Variants in SMIM20 observed in about 807,000 individuals in gnomAD.
The protein encoded by SMIM20 is mitochondrial translation regulation assembly intermediate of cytochrome c oxidase protein of 7 kDa.
Under a neutral mutation model 8.7 loss-of-function variants are expected in SMIM20, and 3 were observed. The observed-to-expected ratio is 0.34, with a 90% CI of 0.16 to 0.89. SMIM20 has a LOEUF of 0.89. SMIM20 is among the 40% of genes least tolerant of loss of function. The probability of loss-of-function intolerance (pLI) is 0.49; values close to 1 mark genes in which losing one functional copy is unlikely to be tolerated. For missense variants in SMIM20, 85 were observed against 84.8 expected, an observed-to-expected ratio of 1.00 and a Z score of -0.01; for synonymous variants, 44 against 33.6, an observed-to-expected ratio of 1.31 and a Z score of -1.07.
intron 1 of SMIM20, among the ~76,000 whole-genome samples, chr4:25,918,553 G>A (rs1369568418): frequency 6.6e-6 from 1 of 151,398 alleles, no homozygotes; most frequent in Non-Finnish European, 1.5e-5. Flanking sequence ...GCCTAGGCTG[G>A]AGGCTGGAGT....
chr4:25,921,713 G>A (rs1382971403), intron 1 of SMIM20, among the ~76,000 whole-genome samples: 3 of 152,218 alleles, frequency 2.0e-5, no homozygotes, highest in African/African-American at 7.2e-5. Context: ...ACTGCAGTAG[G>A]TAAGGGTTCC....
At chr4:25,927,677 CCA>C (rs905265509) in intron 1 of SMIM20, among the ~76,000 whole-genome samples, 30 of 152,298 alleles carry the variant, frequency 2.0e-4, no homozygotes, top group African/African-American at 7.2e-4. Flanking sequence ...TGCTTCAAGC[CCA>C]CAGATATGAA....
At chr4:25,915,854 TG>T (rs1267183562) in intron 1 of SMIM20, among the ~76,000 whole-genome samples, 9 of 18,968 alleles carry the variant, frequency 4.7e-4, no homozygotes, top group African/African-American at 1.2e-3. Flanking sequence ...CAACTTGGGA[TG>T]GGGCGGGGGG....
At chr4:25,924,017 C>G (rs1448042449) in intron 1 of SMIM20, among the ~76,000 whole-genome samples, 1 of 152,110 alleles carries the variant, frequency 6.6e-6, no homozygotes, top group Non-Finnish European at 1.5e-5. Context: ...ATGGCTTCCC[C>G]TCCGTCCCTG....
intron 1 of SMIM20, among the ~76,000 whole-genome samples, chr4:25,922,177 C>T (rs1188857456): frequency 6.6e-6 from 1 of 152,082 alleles, no homozygotes; most frequent in Admixed American, 6.5e-5. Context: ...TCCAGCAGGT[C>T]ACAGGGTCTG....
At chr4:25,916,540 A>C (rs1005752937) in intron 1 of SMIM20, among the ~76,000 whole-genome samples, 3 of 144,732 alleles carry the variant, frequency 2.1e-5, no homozygotes, top group African/African-American at 5.2e-5. Context: ...AATTTGGCCA[A>C]CTCTTTTCTG....
At position 25,929,214 on chromosome 4, in the gene SMIM20, T is replaced by A. The variant is rs1353655129; in HGVS notation, c.*23T>A. The A allele has an allele frequency of 1.9e-6, 3 of 1,551,548 alleles. No individual in the cohort carries two copies. Among genetic ancestry groups the A allele is most frequent in the East Asian group, 2.4e-5 (1 of 40,920 alleles). The stretch of plus-strand genomic sequence containing the variant: ...TGAGAGGGCTGTCATCAGCTCTGAT[T>A]AAGAAAGGAGATTTCTTCATGCTTT... On this transcript the variant is annotated 3_prime_UTR_variant, in exon 3 of 3. Coordinates refer to ENST00000506197, the MANE Select transcript of SMIM20 (RefSeq NM_001145432.3).
At chr4:25,929,083 T>G in intron 2 of SMIM20, 71 bp from the exon 3 acceptor site, 3 of 1,520,552 alleles carry the variant, frequency 2.0e-6, no homozygotes, top group Non-Finnish European at 2.7e-6. Context: ...TCATTTTGTT[T>G]GTTTGGGGTG....
chr4:25,928,760 G>A (rs1318106371), intron 2 of SMIM20, among the ~76,000 whole-genome samples: 4 of 152,218 alleles, frequency 2.6e-5, no homozygotes, highest in Non-Finnish European at 4.4e-5. Context: ...GTGGGGTTCT[G>A]CTTTGCACAA....
intron 1 of SMIM20, among the ~76,000 whole-genome samples, chr4:25,919,462 T>C (rs6841648): frequency 0.4 from 60,685 of 151,164 alleles, 12,601 homozygotes; most frequent in East Asian, 0.63. Flanking sequence ...CCTCAGCCTC[T>C]CAAGTAGCTG....
intron 1 of SMIM20, among the ~76,000 whole-genome samples, chr4:25,915,175 C>T (rs765143813): frequency 2.6e-5 from 4 of 152,142 alleles, no homozygotes; most frequent in Non-Finnish European, 4.4e-5. Flanking sequence ...AAGCCGATTG[C>T]TCACATGGTA....
At chr4:25,921,294 G>A (rs901652703) in intron 1 of SMIM20, among the ~76,000 whole-genome samples, 8 of 152,144 alleles carry the variant, frequency 5.3e-5, no homozygotes, top group African/African-American at 1.9e-4. Context: ...AGCACTTTGG[G>A]AAGCTGACGC....
intron 1 of SMIM20, among the ~76,000 whole-genome samples, chr4:25,916,507 T>C (rs1009912002): frequency 6.6e-6 from 1 of 152,074 alleles, no homozygotes; most frequent in African/African-American, 2.4e-5. Flanking sequence ...CCACCACGCC[T>C]GGCCTCTGGT....
At chr4:25,927,473 A>G (rs978485085) in intron 1 of SMIM20, among the ~76,000 whole-genome samples, 3 of 152,258 alleles carry the variant, frequency 2.0e-5, no homozygotes, top group African/African-American at 7.2e-5. Flanking sequence ...GGATTTAAAG[A>G]AACACTGTCA....
At chr4:25,918,609 C>G (rs1023210865) in intron 1 of SMIM20, among the ~76,000 whole-genome samples, 1 of 151,912 alleles carries the variant, frequency 6.6e-6, no homozygotes, top group African/African-American at 2.4e-5. Context: ...TTCCCAGGTT[C>G]TAGTAATTCT....
intron 1 of SMIM20, among the ~76,000 whole-genome samples, chr4:25,924,462 ACT>A (rs1267416735): frequency 2.0e-5 from 3 of 152,112 alleles, no homozygotes; most frequent in Non-Finnish European, 2.9e-5. Flanking sequence ...ACAGAGCAAG[ACT>A]CTTTCTCAAA....
Position 25,929,469 on chromosome 4 carries a change from G to C in SMIM20, c.*278G>C, listed in dbSNP as rs1385568960. 2 of 388,826 alleles carry C rather than the reference G, an allele frequency of 5.1e-6. No individual in the cohort carries two copies. Among genetic ancestry groups the C allele is most frequent in the Non-Finnish European group, 9.2e-6 (2 of 216,668 alleles). 24.1% of individuals were successfully genotyped at this position (388,826 alleles called of 1,614,324 possible). ...GCTATCTCACCCAGCTGGGTTTGGA[G>C]GAGCAATCTGCTTATTATTCTGTCG... On this transcript the variant is annotated 3_prime_UTR_variant, in exon 3 of 3. Transcript: ENST00000506197.
chr4:25,915,869 G>GGCCC, intron 1 of SMIM20, among the ~76,000 whole-genome samples: 1 of 103,260 alleles, frequency 9.7e-6, no homozygotes, highest in African/African-American at 3.5e-5. Flanking sequence ...CGGGGGGGGG[G>GGCCC]TCGAGTGTTG....
At chr4:25,923,852 G>A (rs956587445) in intron 1 of SMIM20, among the ~76,000 whole-genome samples, 1 of 152,174 alleles carries the variant, frequency 6.6e-6, no homozygotes, top group African/African-American at 2.4e-5. Context: ...AGGCAGACTG[G>A]GTCTTGTTTT....
Sources: gnomAD v4.1 joint callset for allele counts (sites outside exome capture counted in the v4.1 genomes callset) on GRCh38, gnomAD v4.1.1 for gene constraint, MANE v1.5 for transcripts, NCBI Gene and HGNC (gene_info 2026-07-23, HGNC 2026-07-21) for gene names.